PPP1R13L: variants seen among roughly 807,000 people sequenced by gnomAD.
PPP1R13L encodes the protein relA-associated inhibitor.
A neutral mutation model predicts 80.9 loss-of-function variants in PPP1R13L; 50 were observed. The observed-to-expected ratio is 0.62, with a 90% CI of 0.49 to 0.78. PPP1R13L has a LOEUF of 0.78. PPP1R13L is among the 30% of genes least tolerant of loss of function. The probability of loss-of-function intolerance (pLI) is 0.00; values close to 1 mark genes in which losing one functional copy is unlikely to be tolerated. For synonymous variants in PPP1R13L, 602 were observed against 534.3 expected, an observed-to-expected ratio of 1.13 and a Z score of -1.75; for missense variants, 1,200 against 1,205.9, an observed-to-expected ratio of 1.00 and a Z score of 0.07.
chr19:45,381,717 G>T (rs1972765504), intron 12 of PPP1R13L, among the ~76,000 whole-genome samples: 1 of 151,082 alleles, frequency 6.6e-6, no homozygotes, highest in Non-Finnish European at 1.5e-5. Flanking sequence ...GGTCACCTGA[G>T]GTCAGGAGTT....
At chr19:45,401,354 CAAAAAAA>C (rs34884152) in intron 1 of PPP1R13L, among the ~76,000 whole-genome samples, 3 of 116,414 alleles carry the variant, frequency 2.6e-5, no homozygotes, top group Admixed American at 8.7e-5. Flanking sequence ...GACTCCGTCC[CAAAAAAA>C]AAAAAAAAAA....
At chr19:45,381,455 C>T (rs138882818) in intron 12 of PPP1R13L, among the ~76,000 whole-genome samples, 1 of 152,062 alleles carries the variant, frequency 6.6e-6, no homozygotes, top group East Asian at 1.9e-4. Context: ...AATTCTGTAA[C>T]CCACCCACCA....
At chr19:45,390,682 G>A (rs919994606) in intron 8 of PPP1R13L, among the ~76,000 whole-genome samples, 2 of 152,100 alleles carry the variant, frequency 1.3e-5, no homozygotes, top group Non-Finnish European at 2.9e-5. Context: ...TTAATCCGGT[G>A]TCTGAGGAGT....
At chr19:45,405,322 G>C (rs1027332777), upstream of PPP1R13L, among the ~76,000 whole-genome samples, 3 of 152,190 alleles carry the variant, frequency 2.0e-5, no homozygotes, top group African/African-American at 7.2e-5. Context: ...GCCTCGCTGT[G>C]GCTGGAGACT....
intron 11 of PPP1R13L, among the ~76,000 whole-genome samples, chr19:45,385,205 T>C (rs1303343549): frequency 1.3e-5 from 2 of 152,144 alleles, no homozygotes; most frequent in Non-Finnish European, 2.9e-5. Context: ...GCAATGCCTC[T>C]CCCACAAGTG....
rs577984959 is a variant in PPP1R13L, at chr19:45,395,812, C to G, written c.978G>C (p.Ala326=). Residue 326 remains alanine, a synonymous_variant, in exon 7 of 13, where the codon GCG becomes GCC. Transcript: ENST00000360957. ...AGCCCAGCGAGCGCCGGTAGCTGCC[C>G]GCGTCTGAACGCCGGTCGCTGGCCA... is the stretch of plus-strand genomic sequence containing the variant. The part of the protein sequence containing the change: ...SPLASDRRSD[A]GSYRRSLGSA... The G allele has an allele frequency of 3.1e-6, 5 of 1,589,176 alleles. No individual in the cohort carries two copies. Among genetic ancestry groups the G allele is most frequent in the East Asian group, 2.3e-5 (1 of 44,184 alleles).
Position 45,386,036 on chromosome 19 carries a change from C to A in PPP1R13L, c.1947+13G>T. 1 of 1,589,282 alleles carries A rather than the reference C, an allele frequency of 6.3e-7. No individual in the cohort carries two copies. Among genetic ancestry groups the A allele is most frequent in the South Asian group, 1.1e-5 (1 of 88,340 alleles). On this transcript the variant is annotated intron_variant, in intron 9 of 12. Transcript: ENST00000360957. ...GCCCCCGCCGTGCCCACCTCCCGCT[C>A]AGCAGCGCTCACCTCCTTCACCGCC...
At position 45,396,159 on chromosome 19, in the gene PPP1R13L, C is replaced by T. The variant is rs374714194; in HGVS notation, c.903+9G>A. On this transcript the variant is annotated intron_variant, in intron 6 of 12. Coordinates refer to ENST00000360957, the MANE Select transcript of PPP1R13L (RefSeq NM_006663.4). The surrounding 1 kb of genome is among the most constrained non-coding windows in gnomAD (Gnocchi z 5.3). ...CCCAGCCTCTCCTCCCCAGGCGTCG[C>T]CTCCTCACCTTGCCGGTGCCCCCCA... The T allele has an allele frequency of 1.9e-6, 3 of 1,600,876 alleles. No homozygotes were observed. The highest frequency in any genetic ancestry group is 2.7e-5 in the African/African-American group (2 of 74,604).
Position 45,395,756 on chromosome 19 carries a change from C to T in PPP1R13L, c.1034G>A (p.Ser345Asn), listed in dbSNP as rs1217360689. 6.5e-7 allele frequency: 1 copy of T among 1,539,238 alleles called. No individual in the cohort carries two copies. The highest frequency in any genetic ancestry group is 1.4e-5 in the African/African-American group (1 of 73,790). ...SAGPSGTLPR[S>N]WQPVSRIPMP... ...GGGGATGCGGCTGACGGGCTGCCAG[C>T]TGCGAGGCAAAGTGCCCGACGGCCC... Residue 345 changes from serine (S) to asparagine (N), a missense_variant, in exon 7 of 13, where the codon AGC (serine) becomes AAC (asparagine). This residue lies in a region of PPP1R13L where 764 missense variants were observed against 714.5 expected (regional missense o/e 1.07). Coordinates refer to ENST00000360957, the MANE Select transcript of PPP1R13L (RefSeq NM_006663.4).
chr19:45,382,575 C>T lies in PPP1R13L; in HGVS notation c.2400G>A (p.Trp800Ter). Reference protein sequence around the residue: ...RDGPEETDWWWAALHGQEGYV... With the variant: ...RDGPEETDWW ...AGCCCTCCTGGCCGTGCAGCGCGGC[C>T]CACCACCAGTCGGTCTCCTCCGGCC... Residue 800 changes from tryptophan to a stop codon, truncating the protein, a stop_gained, in exon 12 of 13, where the codon TGG becomes TGA. Transcript: ENST00000360957. LOFTEE classifies it high-confidence loss of function. 1.2e-6 allele frequency: 2 copies of T among 1,613,522 alleles called. No homozygotes were observed. Among genetic ancestry groups the T allele is most frequent in the Non-Finnish European group, 1.7e-6 (2 of 1,179,936 alleles).
In PPP1R13L at chr19:45,382,556, C is replaced by T. The variant is rs1972782813; in HGVS notation, c.2419G>A (p.Glu807Lys). Reference protein sequence around the residue: ...DWWWAALHGQEGYVPRNYFGL... With the variant: ...DWWWAALHGQKGYVPRNYFGL... ...AAGTAGTTCCGCGGCACGTAGCCCT[C>T]CTGGCCGTGCAGCGCGGCCCACCAC... The change falls in exon 12 of 13, where the codon GAG (glutamate) becomes AAG (lysine). Residue 807 changes from glutamate (E) to lysine (K), a missense_variant. Around this residue, in one of 5 missense-constraint regions of PPP1R13L, gnomAD observed 165 missense variants for 177.1 expected, o/e 0.93. Coordinates refer to ENST00000360957, the MANE Select transcript of PPP1R13L (RefSeq NM_006663.4). 4 of 1,613,158 alleles carry T rather than the reference C, an allele frequency of 2.5e-6. No individual in the cohort carries two copies. Among genetic ancestry groups the T allele is most frequent in the East Asian group, 2.2e-5 (1 of 44,884 alleles).
At chr19:45,399,795 A>T (rs1973196688) in intron 1 of PPP1R13L, among the ~76,000 whole-genome samples, 1 of 151,868 alleles carries the variant, frequency 6.6e-6, no homozygotes, top group East Asian at 1.9e-4. Flanking sequence ...AAAAAAATAC[A>T]AAAGTTAGCT....
chr19:45,388,539 C>T (rs1030668406), intron 8 of PPP1R13L, among the ~76,000 whole-genome samples: 1 of 151,934 alleles, frequency 6.6e-6, no homozygotes, highest in African/African-American at 2.4e-5. Flanking sequence ...CTTGCCACTG[C>T]ACTCCAGCCT....
At chr19:45,399,353 G>A (rs544450487) in intron 1 of PPP1R13L, among the ~76,000 whole-genome samples, 51 of 150,932 alleles carry the variant, frequency 3.4e-4, no homozygotes, top group Non-Finnish European at 5.5e-4. Context: ...CGCCGGGCGC[G>A]GTGGCTCACG....
intron 6 of PPP1R13L, 109 bp from the exon 7 acceptor site, chr19:45,395,995 G>A: frequency 7.7e-7 from 1 of 1,291,626 alleles, no homozygotes; most frequent in South Asian, 1.4e-5. Context: ...CTGGGAGTGA[G>A]GGAGAAGAAA....
At position 45,395,560 on chromosome 19, in the gene PPP1R13L, T is replaced by C; in HGVS notation, c.1230A>G (p.Pro410=). 2 of 1,460,022 alleles carry C rather than the reference T, an allele frequency of 1.4e-6. No individual in the cohort carries two copies. Among genetic ancestry groups the C allele is most frequent in the Non-Finnish European group, 1.8e-6 (2 of 1,107,074 alleles). The allele number at this position is 1,460,022 out of a possible 1,614,324, so 90.4% of individuals were successfully genotyped here. ...RAPPPKLQPQ[P]QPQPQPQSQP... ...GTGATTGTGGCTGGGGCTGTGGTTG[T>C]GGTTGGGGCTGCAGCTTAGGCGGGG... Residue 410 remains proline, a synonymous_variant, in exon 7 of 13, where the codon CCA becomes CCG. Transcript: ENST00000360957.
chr19:45,386,623 CTT>C (rs986342358), intron 8 of PPP1R13L, among the ~76,000 whole-genome samples: 2 of 140,050 alleles, frequency 1.4e-5, no homozygotes, highest in Non-Finnish European at 3.0e-5. Flanking sequence ...TTTTCCTTTT[CTT>C]TTTCTCTTTT....
At chr19:45,398,891 T>A (rs1195913661) in intron 1 of PPP1R13L, among the ~76,000 whole-genome samples, 2 of 152,090 alleles carry the variant, frequency 1.3e-5, no homozygotes, top group Non-Finnish European at 2.9e-5. Flanking sequence ...TAGGATGGAA[T>A]AACTATGAAT....
intron 8 of PPP1R13L, among the ~76,000 whole-genome samples, chr19:45,387,793 C>T (rs983252077): frequency 6.6e-6 from 1 of 152,130 alleles, no homozygotes; most frequent in Admixed American, 6.5e-5. Flanking sequence ...CCTCGTGATC[C>T]GCCCACCTCG....
Sources: allele counts gnomAD v4.1 joint callset (sites outside exome capture counted in the v4.1 genomes callset), GRCh38; gene constraint gnomAD v4.1.1; regional missense constraint gnomAD v4.1.1; non-coding constraint Gnocchi (gnomAD v3.1); transcripts MANE v1.5; gene names NCBI Gene and HGNC (gene_info 2026-07-23, HGNC 2026-07-21).